CSPP1: variants seen among roughly 807,000 people sequenced by gnomAD.
CSPP1 encodes the protein centrosome and spindle pole associated protein 1, also known as centrosome and spindle pole-associated protein 1.
CSPP1 carries 126 observed loss-of-function variants against 164.4 expected under a neutral mutation model. The observed-to-expected ratio is 0.77, with a 90% CI of 0.66 to 0.89. The LOEUF is 0.89. Ranked by LOEUF, CSPP1 falls within the 40% of genes least tolerant of loss-of-function variation. CSPP1 has a pLI of 0.00. For synonymous variants in CSPP1, 472 were observed against 476.7 expected (o/e 0.99, Z 0.13); for missense variants, 1,395 against 1,449.8 (o/e 0.96, Z 0.61).
rs1814529352 is a variant in CSPP1, at chr8:67,103,227, C to T, written c.1022+92C>T. 11 of 695,362 alleles carry T rather than the reference C, an allele frequency of 1.6e-5. No individual in the cohort carries two copies. The South Asian group carries it at 2.0e-4, about 13-fold the overall frequency. 43.1% of individuals were successfully genotyped at this position (695,362 alleles called of 1,614,324 possible). A position where few individuals can be genotyped will look rare whatever the true frequency, so the allele number is the denominator to read the frequency against. On this transcript the variant is annotated intron_variant, in intron 8 of 30. Coordinates refer to ENST00000678616, the MANE Select transcript of CSPP1 (RefSeq NM_001382391.1). ...GGCTAACTGAAAAAGTAGAAAGATA[C>T]AGTAAATTAACAGCCTTCCTTCTTA...
At chr8:67,090,317 C>T (rs1811344254) in intron 4 of CSPP1, among the ~76,000 whole-genome samples, 1 of 152,134 alleles carries the variant, frequency 6.6e-6, no homozygotes, top group Non-Finnish European at 1.5e-5. Flanking sequence ...CAGATTCTCA[C>T]TCTGTCACCC....
chr8:67,142,178 A>C (rs1249399117), intron 17 of CSPP1, among the ~76,000 whole-genome samples: 5 of 152,150 alleles, frequency 3.3e-5, no homozygotes, highest in Admixed American at 6.5e-5. Context: ...TCAGTTCTTT[A>C]TTTATTAAAG....
Position 67,103,154 on chromosome 8 carries a change from A to C in CSPP1, c.1022+19A>C. 1 of 1,423,776 alleles carries C rather than the reference A, an allele frequency of 7.0e-7. No homozygotes were observed. Among genetic ancestry groups the C allele is most frequent in the Non-Finnish European group, 9.9e-7 (1 of 1,010,084 alleles). 88.2% of individuals were successfully genotyped at this position (1,423,776 alleles called of 1,614,324 possible). On this transcript the variant is annotated intron_variant, in intron 8 of 30. Coordinates refer to ENST00000678616, the MANE Select transcript of CSPP1 (RefSeq NM_001382391.1). ...ATAAAAGGTACAGTATGTAATATAA[A>C]TTCTCTGCTTTAGTCATTACATTGT...
chr8:67,169,104 A>C (rs1830024534), intron 24 of CSPP1, among the ~76,000 whole-genome samples: 1 of 152,188 alleles, frequency 6.6e-6, no homozygotes, highest in Non-Finnish European at 1.5e-5. Context: ...TTAATGATAA[A>C]GAAATGATGG....
intron 3 of CSPP1, among the ~76,000 whole-genome samples, chr8:67,078,147 G>A (rs1808347847): frequency 6.6e-6 from 1 of 152,092 alleles, no homozygotes; most frequent in Non-Finnish European, 1.5e-5. Flanking sequence ...AGGTTAGACA[G>A]AATCCCTTTT....
intron 28 of CSPP1, among the ~76,000 whole-genome samples, chr8:67,181,822 T>A (rs569628535): frequency 2.6e-5 from 4 of 152,204 alleles, no homozygotes; most frequent in African/African-American, 9.6e-5. Flanking sequence ...AAACAGTAAT[T>A]CCCCATTGCC....
chr8:67,120,143 A>G (rs920828578), intron 15 of CSPP1, among the ~76,000 whole-genome samples: 2 of 152,142 alleles, frequency 1.3e-5, no homozygotes, highest in African/African-American at 4.8e-5. Context: ...CTGCATTGAG[A>G]GATATTGGCA....
chr8:67,111,074 T>C (rs1334858641), intron 9 of CSPP1, among the ~76,000 whole-genome samples: 3 of 152,230 alleles, frequency 2.0e-5, no homozygotes, highest in Non-Finnish European at 4.4e-5. Flanking sequence ...TGCCCACTGA[T>C]GGTTGGAGAC....
intron 15 of CSPP1, among the ~76,000 whole-genome samples, chr8:67,128,620 G>A (rs752648289): frequency 3.3e-5 from 5 of 151,548 alleles, no homozygotes; most frequent in Admixed American, 6.6e-5. Context: ...AATACTCTCC[G>A]GTTACTATTA....
At chr8:67,097,779 C>T (rs1016832328) in intron 7 of CSPP1, among the ~76,000 whole-genome samples, 2 of 151,552 alleles carry the variant, frequency 1.3e-5, no homozygotes, top group Admixed American at 1.3e-4. Context: ...TATTTGAGAA[C>T]TCTCATATCT....
Position 67,195,570 on chromosome 8 carries a change from G to C in CSPP1, c.3658G>C (p.Gly1220Arg). ...PGKPGTFTWQ[G>R]LSTAHG ...AAAACCAGGCACTTTCACTTGGCAGGGCCTGTCGACTGCACATGGTTAAAA... is the reference window on the plus strand; with the variant it reads ...AAAACCAGGCACTTTCACTTGGCAGCGCCTGTCGACTGCACATGGTTAAAA... Residue 1220 changes from glycine to arginine, a missense_variant, in exon 31 of 31, where the codon GGC (glycine) becomes CGC (arginine). By Grantham distance (125) the Gly-to-Arg change is moderately radical (BLOSUM62 -2). Transcript: ENST00000678616. 6.2e-7 allele frequency: 1 copy of C among 1,614,080 alleles called. No individual in the cohort carries two copies. The highest frequency in any genetic ancestry group is 2.2e-5 in the East Asian group (1 of 44,880).
At chr8:67,132,596 C>T (rs1350830757) in intron 16 of CSPP1, among the ~76,000 whole-genome samples, 2 of 152,028 alleles carry the variant, frequency 1.3e-5, no homozygotes, top group Non-Finnish European at 2.9e-5. Flanking sequence ...GTAGATAGTC[C>T]AGTAAGGAGG....
intron 15 of CSPP1, 65 bp from the exon 16 acceptor site, chr8:67,131,886 C>G: frequency 1.4e-6 from 2 of 1,392,302 alleles, no homozygotes; most frequent in Non-Finnish European, 9.7e-7. Flanking sequence ...TTTCAAAAAA[C>G]TGTTGTATTT....
intron 1 of CSPP1, among the ~76,000 whole-genome samples, chr8:67,067,113 A>G (rs1805729295): frequency 1.3e-5 from 2 of 152,216 alleles, no homozygotes; most frequent in South Asian, 2.1e-4. Flanking sequence ...TTAGGAGGGA[A>G]GTCATTTTCC....
rs758860786 is a variant in CSPP1 at position 67,159,957 on chromosome 8, CTTTCT to C, written c.2538+894_2538+898del. Reference sequence around the variant, plus strand: ...TCCTTCCTTCCTTCCTTCCTTCCTTCTTTCTTTTCTTTTCTTTTCTTTTCTTTTCT... The same window carrying C: ...TCCTTCCTTCCTTCCTTCCTTCCTTCTTTCTTTTCTTTTCTTTTCTTTTCT... On this transcript the variant is annotated intron_variant, in intron 21 of 30. Transcript: ENST00000678616. Among the ~76,000 whole-genome samples, 156 of 19,998 alleles carry C rather than the reference CTTTCT, an allele frequency of 7.8e-3. 1 individual carries two copies. Among genetic ancestry groups the C allele is most frequent in the Non-Finnish European group, 9.6e-3 (107 of 11,186 alleles). 13.1% of individuals were successfully genotyped at this position (19,998 alleles called of 152,430 possible).
Position 67,149,798 on chromosome 8 carries a change from T to A in CSPP1, c.1991T>A (p.Met664Lys). 1.9e-6 allele frequency: 3 copies of A among 1,583,058 alleles called. No homozygotes were observed. The highest frequency in any genetic ancestry group is 2.6e-6 in the Non-Finnish European group (3 of 1,168,694). ...KGNLITDLNR[M>K]HRQNIDAYHN... Reference sequence around the variant, plus strand: ...TTCCTCTCAGCTGATTTGAATAGGATGCACAGACAAAATATAGATGCCTAC... The same window carrying A: ...TTCCTCTCAGCTGATTTGAATAGGAAGCACAGACAAAATATAGATGCCTAC... The change falls in exon 18 of 31, where the codon ATG becomes AAG. Residue 664 changes from methionine to lysine, a missense_variant. Physicochemically the swap from Met to Lys is moderately conservative, Grantham distance 95. Coordinates refer to ENST00000678616, the MANE Select transcript of CSPP1 (RefSeq NM_001382391.1).
intron 3 of CSPP1, among the ~76,000 whole-genome samples, chr8:67,078,311 G>A (rs1416206207): frequency 2.6e-5 from 4 of 151,932 alleles, no homozygotes; most frequent in Non-Finnish European, 5.9e-5. Flanking sequence ...CACGTAATTG[G>A]TACACAATAA....
chr8:67,128,182 A>G (rs969270355), intron 15 of CSPP1, among the ~76,000 whole-genome samples: 3 of 152,210 alleles, frequency 2.0e-5, no homozygotes, highest in African/African-American at 7.2e-5. Context: ...AACAACCAAA[A>G]TAGAATTGGG....
chr8:67,124,518 T>A (rs1819670331), intron 15 of CSPP1, among the ~76,000 whole-genome samples: 1 of 152,152 alleles, frequency 6.6e-6, no homozygotes, highest in East Asian at 1.9e-4. Context: ...ATTTATTTTT[T>A]GAGATAGGGT....
Sources: gnomAD v4.1 joint callset for allele counts (sites outside exome capture counted in the v4.1 genomes callset) on GRCh38, gnomAD v4.1.1 for gene constraint, MANE v1.5 for transcripts, NCBI Gene and HGNC (gene_info 2026-07-23, HGNC 2026-07-21) for gene names.